MORC1: variants seen among roughly 807,000 people sequenced by gnomAD.
The protein encoded by MORC1 is MORC family CW-type zinc finger 1, also known as MORC family CW-type zinc finger protein 1.
A neutral mutation model predicts 134.9 loss-of-function variants in MORC1; 59 were observed. The ratio of observed to expected loss-of-function variants is 0.44; its 90% confidence interval spans 0.35 to 0.54. The LOEUF (loss-of-function observed/expected upper bound fraction) is 0.54. Among genes scored for constraint, MORC1 ranks in the 20% least tolerant of loss-of-function variants. The pLI is 0.00. For missense variants in MORC1, 947 were observed against 1,134.5 expected, an observed-to-expected ratio of 0.83 and a Z score of 2.37; for synonymous variants, 395 against 391.7, an observed-to-expected ratio of 1.01 and a Z score of -0.10.
At chr3:108,960,876 C>G (rs1947062526) in intron 27 of MORC1, among the ~76,000 whole-genome samples, 1 of 152,184 alleles carries the variant, frequency 6.6e-6, no homozygotes, top group Admixed American at 6.5e-5. Flanking sequence ...ACTGCATTGA[C>G]ATGGTTAAAT....
intron 8 of MORC1, among the ~76,000 whole-genome samples, chr3:109,072,189 G>A (rs186194593): frequency 6.6e-5 from 10 of 152,156 alleles, no homozygotes; most frequent in South Asian, 4.2e-4. Flanking sequence ...TCTGACCCCC[G>A]CTTAATTCTC....
chr3:109,052,671 C>T (rs907837320), intron 14 of MORC1, among the ~76,000 whole-genome samples: 3 of 152,098 alleles, frequency 2.0e-5, no homozygotes, highest in Non-Finnish European at 2.9e-5. Flanking sequence ...AAAATTACAA[C>T]TTCAAGTGAA....
At chr3:109,082,928 C>T (rs888837212) in intron 8 of MORC1, among the ~76,000 whole-genome samples, 13 of 152,122 alleles carry the variant, frequency 8.5e-5, no homozygotes, top group Non-Finnish European at 1.0e-4. Context: ...GGTATGGAAG[C>T]TCAGAAAATA....
At chr3:109,000,700 C>T (rs755418718) in intron 20 of MORC1, 42 bp from the exon 21 acceptor site, 103 of 1,433,490 alleles carry the variant, frequency 7.2e-5, no homozygotes, top group Non-Finnish European at 9.7e-5. Context: ...GGATTAGTGG[C>T]AATCAATGGT....
chr3:109,078,410 C>G (rs1950461805), intron 8 of MORC1, among the ~76,000 whole-genome samples: 1 of 151,932 alleles, frequency 6.6e-6, no homozygotes, highest in African/African-American at 2.4e-5. Context: ...AAAAAGCAAA[C>G]ATATGCACTA....
chr3:109,118,006 G>A lies in MORC1; in HGVS notation c.54C>T (p.Ile18=). The part of the protein sequence containing the change: ...LQRAQLRLDF[I]HANSTTHSFL... ...ACCTCGGCACTCACGAGTTGGCGTG[G>A]ATGAAATCCAGACGCAGCTGGGCCC... The change falls in exon 1 of 28, where the codon ATC becomes ATT. Residue 18 remains isoleucine (I), a synonymous_variant. Coordinates refer to ENST00000232603, the MANE Select transcript of MORC1 (RefSeq NM_014429.4). 1 of 1,606,462 alleles carries A rather than the reference G, an allele frequency of 6.2e-7. No homozygotes were observed.
At chr3:109,015,237 C>T (rs1448036003) in intron 17 of MORC1, among the ~76,000 whole-genome samples, 1 of 152,048 alleles carries the variant, frequency 6.6e-6, no homozygotes, top group Non-Finnish European at 1.5e-5. Flanking sequence ...TAGCAATGAC[C>T]TCCAGTAACA....
intron 26 of MORC1, among the ~76,000 whole-genome samples, chr3:108,965,785 T>C (rs1947203945): frequency 6.6e-6 from 1 of 152,130 alleles, no homozygotes; most frequent in Non-Finnish European, 1.5e-5. Context: ...CAACTTCCTA[T>C]GAATCTATAA....
At chr3:108,975,305 C>A (rs764018243) in intron 24 of MORC1, among the ~76,000 whole-genome samples, 1 of 152,148 alleles carries the variant, frequency 6.6e-6, no homozygotes, top group Non-Finnish European at 1.5e-5. Context: ...TTTTGGCAGA[C>A]CTCAACTGCT....
At chr3:109,034,214 C>T (rs1949316507) in intron 15 of MORC1, among the ~76,000 whole-genome samples, 1 of 152,216 alleles carries the variant, frequency 6.6e-6, no homozygotes, top group African/African-American at 2.4e-5. Context: ...CAAGTTACCT[C>T]TGACCAGTCA....
chr3:109,062,205 C>T, intron 10 of MORC1, 147 bp from the exon 11 acceptor site: 5 of 687,140 alleles, frequency 7.3e-6, no homozygotes, highest in South Asian at 5.6e-5. Context: ...ATAACTTTTA[C>T]ACATGTTAAA....
chr3:109,018,386 T>C (rs1013951655), intron 17 of MORC1, among the ~76,000 whole-genome samples: 4 of 152,004 alleles, frequency 2.6e-5, no homozygotes, highest in African/African-American at 7.3e-5. Context: ...CCTGGAAATA[T>C]GTGTTTACAT....
At chr3:109,062,422 CT>C (rs757502962) in intron 10 of MORC1, among the ~76,000 whole-genome samples, 338 of 138,954 alleles carry the variant, frequency 2.4e-3, no homozygotes, top group Middle Eastern at 7.5e-3. Flanking sequence ...GAACATCCTT[CT>C]TTTTTTTTTT....
At chr3:108,970,605 T>C (rs1448573644) in intron 25 of MORC1, among the ~76,000 whole-genome samples, 1 of 152,224 alleles carries the variant, frequency 6.6e-6, no homozygotes. Context: ...TAATTTGTGC[T>C]ATTTTCACCA....
At chr3:109,109,417 A>G (rs1951114200) in intron 3 of MORC1, among the ~76,000 whole-genome samples, 1 of 152,156 alleles carries the variant, frequency 6.6e-6, no homozygotes, top group South Asian at 2.1e-4. Flanking sequence ...GAACTAGCCT[A>G]TCTCCATTTG....
intron 3 of MORC1, among the ~76,000 whole-genome samples, chr3:109,107,334 TG>T (rs982912431): frequency 6.6e-6 from 1 of 152,194 alleles, no homozygotes; most frequent in Non-Finnish European, 1.5e-5. Context: ...TACACTTTTT[TG>T]GAACACAGTT....
intron 17 of MORC1, among the ~76,000 whole-genome samples, chr3:109,016,170 T>C (rs1948812361): frequency 6.6e-6 from 1 of 152,166 alleles, no homozygotes; most frequent in South Asian, 2.1e-4. Context: ...CTGAAAAAAT[T>C]TTAAATTTTG....
At chr3:109,065,767 G>C (rs1321148946) in intron 9 of MORC1, among the ~76,000 whole-genome samples, 1 of 152,052 alleles carries the variant, frequency 6.6e-6, no homozygotes, top group Middle Eastern at 3.2e-3. Context: ...AATTGGTCTA[G>C]GTGCCCATCA....
chr3:109,027,854 A>T lies in MORC1; in HGVS notation c.1601T>A (p.Leu534Gln). 6.2e-7 allele frequency: 1 copy of T among 1,613,752 alleles called. No homozygotes were observed. Among genetic ancestry groups the T allele is most frequent in the Non-Finnish European group, 8.5e-7 (1 of 1,179,808 alleles). ...TGGTGATATTGTGCTCATGGTGCCC[A>T]GTGGGATGGAAGGTAGACATTCTAC... ...HQVECLPSIP[L>Q]GTMSTISPSK... Residue 534 changes from leucine (L) to glutamine (Q), a missense_variant, in exon 17 of 28, where the codon CTG becomes CAG. Around this residue, in one of 3 missense-constraint regions of MORC1, gnomAD observed 722 missense variants for 817.0 expected, o/e 0.88. Coordinates refer to ENST00000232603, the MANE Select transcript of MORC1 (RefSeq NM_014429.4).
Sources: gnomAD v4.1 joint callset for allele counts (sites outside exome capture counted in the v4.1 genomes callset) on GRCh38, gnomAD v4.1.1 for gene constraint, gnomAD v4.1.1 regional missense constraint, MANE v1.5 for transcripts, NCBI Gene and HGNC (gene_info 2026-07-23, HGNC 2026-07-21) for gene names.